STX17: variants seen among roughly 807,000 people sequenced by gnomAD.
STX17 encodes syntaxin 17.
Under a neutral mutation model 35.9 loss-of-function variants are expected in STX17, and 29 were observed. The ratio of observed to expected loss-of-function variants is 0.81; its 90% CI spans 0.60 to 1.10. The LOEUF (loss-of-function observed/expected upper bound fraction) is 1.10, where lower values mean the gene tolerates loss of function less well. Among genes scored for constraint, STX17 ranks in the 50% least tolerant of loss-of-function variants. The probability of loss-of-function intolerance (pLI) is 0.00; values close to 1 mark genes in which losing one functional copy is unlikely to be tolerated. For synonymous variants in STX17, 92 were observed against 118.3 expected (o/e 0.78, Z 1.44); for missense variants, 312 against 352.3 (o/e 0.89, Z 0.92).
intron 3 of STX17, among the ~76,000 whole-genome samples, chr9:99,937,744 T>C (rs1035990637): frequency 6.6e-6 from 1 of 152,204 alleles, no homozygotes; most frequent in African/African-American, 2.4e-5. Context: ...ATTTTCTTCA[T>C]TATGGGTGAT....
rs186248315 is a variant in STX17 at position 99,942,714 on chromosome 9, C to T, written c.190-8346C>T. 1.2e-3 allele frequency among the ~76,000 whole-genome samples: 179 copies of T among 152,106 alleles called. 1 individual carries two copies. The highest frequency in any genetic ancestry group is 2.2e-3 in the Admixed American group (33 of 15,268). ...CCATCTGGTTGATTATTGTATATGG[C>T]GTGAAGTGGTATATCCAGCTTTATT... On this transcript the variant is annotated intron_variant, in intron 3 of 7. Coordinates refer to ENST00000259400, the MANE Select transcript of STX17 (RefSeq NM_017919.3).
At chr9:99,929,095 CT>C in intron 3 of STX17, 1 of 309,502 alleles carries the variant, frequency 3.2e-6, no homozygotes, top group Non-Finnish European at 6.0e-6. Flanking sequence ...TTGTAAAATC[CT>C]TTAACATTGG....
At chr9:99,924,744 C>G (rs1044830247) in intron 2 of STX17, among the ~76,000 whole-genome samples, 1 of 152,140 alleles carries the variant, frequency 6.6e-6, no homozygotes, top group Non-Finnish European at 1.5e-5. Flanking sequence ...CCCACCCACC[C>G]TCTCTCCCTT....
intron 2 of STX17, among the ~76,000 whole-genome samples, chr9:99,927,578 C>A (rs190760461): frequency 2.6e-5 from 4 of 152,096 alleles, no homozygotes; most frequent in African/African-American, 9.7e-5. Context: ...CAGGTTCAAG[C>A]GATCTCCTGC....
intron 4 of STX17, among the ~76,000 whole-genome samples, chr9:99,959,536 T>C (rs991463171): frequency 2.0e-5 from 3 of 148,372 alleles, no homozygotes; most frequent in Non-Finnish European, 4.5e-5. Flanking sequence ...CACTGCTCAC[T>C]GCAACCTCGA....
intron 2 of STX17, among the ~76,000 whole-genome samples, chr9:99,919,958 T>C (rs1197353832): frequency 6.6e-6 from 1 of 152,232 alleles, no homozygotes; most frequent in Admixed American, 6.5e-5. Flanking sequence ...TCTTATTTAT[T>C]GTTAATCTGT....
At chr9:99,965,354 G>A (rs894464243) in intron 6 of STX17, among the ~76,000 whole-genome samples, 4 of 152,142 alleles carry the variant, frequency 2.6e-5, no homozygotes, top group Non-Finnish European at 4.4e-5. Flanking sequence ...GAGGCTTTAC[G>A]ATTACACTTG....
chr9:99,957,618 G>A (rs995878488), intron 4 of STX17, among the ~76,000 whole-genome samples: 8 of 151,366 alleles, frequency 5.3e-5, no homozygotes, highest in African/African-American at 1.9e-4. Context: ...AAAGCCTTCA[G>A]ACTGTTTTTT....
intron 1 of STX17, among the ~76,000 whole-genome samples, chr9:99,908,297 A>T (rs553402763): frequency 6.6e-6 from 1 of 152,194 alleles, no homozygotes; most frequent in Non-Finnish European, 1.5e-5. Context: ...GTTTCTCCTC[A>T]GACTTTCCCT....
intron 3 of STX17, among the ~76,000 whole-genome samples, chr9:99,933,977 G>A (rs1252262887): frequency 6.6e-6 from 1 of 151,988 alleles, no homozygotes; most frequent in Non-Finnish European, 1.5e-5. Context: ...ACATAGACAG[G>A]AATTCACAAA....
intron 3 of STX17, among the ~76,000 whole-genome samples, chr9:99,947,949 T>C (rs1587931974): frequency 6.6e-6 from 1 of 152,044 alleles, no homozygotes; most frequent in East Asian, 1.9e-4. Context: ...TTTTCAAGTT[T>C]TTTTTTTTTT....
intron 3 of STX17, among the ~76,000 whole-genome samples, chr9:99,937,029 A>G (rs1031721055): frequency 2.0e-5 from 3 of 152,132 alleles, no homozygotes; most frequent in African/African-American, 2.4e-5. Context: ...TTTTAAAAGA[A>G]ATTTTGCTGT....
chr9:99,912,318 G>T (rs915755442), intron 1 of STX17, among the ~76,000 whole-genome samples: 1 of 152,016 alleles, frequency 6.6e-6, no homozygotes, highest in Non-Finnish European at 1.5e-5. Context: ...TGTAACTGGG[G>T]TGAGATGGTA....
At chr9:99,927,273 T>G (rs73654148) in intron 2 of STX17, among the ~76,000 whole-genome samples, 2,698 of 152,280 alleles carry the variant, frequency 0.018, 74 homozygotes, top group African/African-American at 0.062. Flanking sequence ...AATTTAAAAG[T>G]GGTTTATTTT....
At chr9:99,928,350 A>T (rs984490902) in intron 2 of STX17, among the ~76,000 whole-genome samples, 69 of 147,520 alleles carry the variant, frequency 4.7e-4, no homozygotes, top group South Asian at 4.2e-4. Context: ...TATTTTTTTT[A>T]AATTCAGATT....
intron 2 of STX17, among the ~76,000 whole-genome samples, chr9:99,916,660 A>G (rs1366545863): frequency 6.6e-6 from 1 of 152,148 alleles, no homozygotes; most frequent in Non-Finnish European, 1.5e-5. Context: ...TGAAAAGTTT[A>G]ATGCGAATAT....
intron 2 of STX17, among the ~76,000 whole-genome samples, chr9:99,923,108 T>C (rs1395263576): frequency 1.3e-5 from 2 of 152,166 alleles, no homozygotes; most frequent in African/African-American, 4.8e-5. Flanking sequence ...TTTCTCTCTT[T>C]CCTTTCCTCT....
chr9:99,924,814 T>A (rs1279523042), intron 2 of STX17, among the ~76,000 whole-genome samples: 1 of 152,100 alleles, frequency 6.6e-6, no homozygotes, highest in Non-Finnish European at 1.5e-5. Flanking sequence ...CAGTATGAAG[T>A]TGAGTAAGAA....
At chr9:99,930,809 G>A (rs184554030) in intron 3 of STX17, among the ~76,000 whole-genome samples, 18 of 152,120 alleles carry the variant, frequency 1.2e-4, no homozygotes, top group Admixed American at 1.2e-3. Context: ...ATAAGTAATT[G>A]TATTTCTAAA....
Sources: gnomAD v4.1 joint callset for allele counts (sites outside exome capture counted in the v4.1 genomes callset) on GRCh38, gnomAD v4.1.1 for gene constraint, MANE v1.5 for transcripts, NCBI Gene and HGNC (gene_info 2026-07-23, HGNC 2026-07-21) for gene names.